The following ATRNL1 variants were observed in gnomAD, a reference collection of about 807,000 sequenced individuals.
ATRNL1 encodes attractin like 1.
In ATRNL1, 95 loss-of-function variants were observed where a neutral mutation model predicts 182.7. The ratio of observed to expected loss-of-function variants is 0.52; its 90% confidence interval spans 0.44 to 0.62. The LOEUF (loss-of-function observed/expected upper bound fraction) is 0.62. Among genes scored for constraint, ATRNL1 ranks in the 20% least tolerant of loss-of-function variants. The probability of loss-of-function intolerance (pLI) is 0.00; values close to 1 mark genes in which losing one functional copy is unlikely to be tolerated. For synonymous variants in ATRNL1, 576 were observed against 568.3 expected (o/e 1.01, Z -0.19); for missense variants, 1,471 against 1,679.5 (o/e 0.88, Z 2.17).
At chr10:115,901,944 A>G (rs1356234642) in intron 28 of ATRNL1, among the ~76,000 whole-genome samples, 6 of 152,162 alleles carry the variant, frequency 3.9e-5, no homozygotes, top group Non-Finnish European at 8.8e-5. Flanking sequence ...CCTAGGAAAG[A>G]TCTCAATGCT....
At chr10:115,654,160 T>A (rs1311578079) in intron 26 of ATRNL1, among the ~76,000 whole-genome samples, 1 of 152,164 alleles carries the variant, frequency 6.6e-6, no homozygotes, top group Non-Finnish European at 1.5e-5. Flanking sequence ...TTTCCAGTTA[T>A]TTGTTTGAGA....
intron 26 of ATRNL1, among the ~76,000 whole-genome samples, chr10:115,563,486 T>A (rs1853885977): frequency 2.0e-5 from 3 of 152,204 alleles, no homozygotes; most frequent in Admixed American, 2.0e-4. Context: ...TAACAGGCAT[T>A]TATATACAGA....
chr10:115,921,091 A>AT (rs1565489051), intron 28 of ATRNL1, among the ~76,000 whole-genome samples: 1 of 152,176 alleles, frequency 6.6e-6, no homozygotes, highest in Admixed American at 6.5e-5. Flanking sequence ...TTTAGAAGAC[A>AT]TTTTTGGAGT....
chr10:115,334,606 AT>A (rs1855394208), intron 19 of ATRNL1, among the ~76,000 whole-genome samples, 187 bp downstream of exon 19: 1 of 152,216 alleles, frequency 6.6e-6, no homozygotes, highest in Non-Finnish European at 1.5e-5. Flanking sequence ...TGATTCAAAA[AT>A]ATTCCTTTTT....
At chr10:115,876,109 A>G (rs542859371) in intron 28 of ATRNL1, among the ~76,000 whole-genome samples, 5 of 152,336 alleles carry the variant, frequency 3.3e-5, no homozygotes, top group Non-Finnish European at 7.3e-5. Flanking sequence ...CAGATTACCC[A>G]GCTCAGAATC....
intron 19 of ATRNL1, among the ~76,000 whole-genome samples, chr10:115,381,326 G>T (rs1019491296): frequency 4.6e-5 from 7 of 151,734 alleles, no homozygotes; most frequent in African/African-American, 1.7e-4. Flanking sequence ...GAGTGCAGTG[G>T]CACAATCTCG....
chr10:115,641,674 T>C (rs1159709592), intron 26 of ATRNL1, among the ~76,000 whole-genome samples: 1 of 152,154 alleles, frequency 6.6e-6, no homozygotes, highest in Non-Finnish European at 1.5e-5. Flanking sequence ...AAACATTAGC[T>C]AGCAACATGC....
chr10:115,146,767 TC>T (rs1208492939), intron 5 of ATRNL1, among the ~76,000 whole-genome samples: 1 of 151,518 alleles, frequency 6.6e-6, no homozygotes, highest in African/African-American at 2.4e-5. Flanking sequence ...GACCTCCAGT[TC>T]CATCCATGTT....
chr10:115,673,155 G>T (rs1593046095), intron 26 of ATRNL1, among the ~76,000 whole-genome samples: 1 of 152,092 alleles, frequency 6.6e-6, no homozygotes, highest in South Asian at 2.1e-4. Flanking sequence ...TGCCCAGCAG[G>T]TGTTTGAGAT....
rs1554953900 is a variant in ATRNL1 at position 115,389,603 on chromosome 10, ATGGACACC to A, written c.3176-5054_3176-5047del. Among the ~76,000 whole-genome samples, 74 of 108,514 alleles carry A rather than the reference ATGGACACC, an allele frequency of 6.8e-4. 5 individuals are homozygous for A. The highest frequency in any genetic ancestry group is 2.4e-3 in the African/African-American group (71 of 29,734). The allele number at this position is 108,514 out of a possible 152,430, so 71.2% of individuals were successfully genotyped here. On this transcript the variant is annotated intron_variant, in intron 19 of 28. Transcript: ENST00000355044. ...ATATATATATATATTTCATCCAATG[ATGGACACC>A]TAGGTTGCATCTATATTGTAGCTAT...
At chr10:115,898,808 A>G (rs1952273648) in intron 28 of ATRNL1, among the ~76,000 whole-genome samples, 1 of 152,204 alleles carries the variant, frequency 6.6e-6, no homozygotes, top group African/African-American at 2.4e-5. Flanking sequence ...AGCAAAGCTG[A>G]CTAATTTTTA....
chr10:115,540,113 G>A (rs1387960340), intron 25 of ATRNL1, among the ~76,000 whole-genome samples: 2 of 122,646 alleles, frequency 1.6e-5, no homozygotes, highest in Non-Finnish European at 3.8e-5. Context: ...ATTTACCCTA[G>A]AACTTAAAGT....
intron 26 of ATRNL1, among the ~76,000 whole-genome samples, chr10:115,685,518 A>G (rs1946187859): frequency 6.6e-6 from 1 of 151,876 alleles, no homozygotes; most frequent in African/African-American, 2.4e-5. Flanking sequence ...TAGTCTGTGA[A>G]ATCCAAAATG....
At position 115,198,584 on chromosome 10, in the gene ATRNL1, A is replaced by G. The variant is rs139270527; in HGVS notation, c.1349-17113A>G. ...ATCATATCCAATAAATCTTTACCCA[A>G]TGAATGTCATTAACTTCTCGACTAT... On this transcript the variant is annotated intron_variant, in intron 8 of 28. Coordinates refer to ENST00000355044, the MANE Select transcript of ATRNL1 (RefSeq NM_207303.4). Among the ~76,000 whole-genome samples, 14 of 152,216 alleles carry G rather than the reference A, an allele frequency of 9.2e-5. No homozygotes were observed. In the East Asian group the frequency reaches 2.1e-3, roughly 23 times the overall value.
intron 27 of ATRNL1, among the ~76,000 whole-genome samples, chr10:115,809,711 TC>T (rs1374244543): frequency 6.6e-6 from 1 of 151,992 alleles, no homozygotes; most frequent in Admixed American, 6.6e-5. Flanking sequence ...CCTTAGGGTT[TC>T]CTATGAAACA....
intron 19 of ATRNL1, among the ~76,000 whole-genome samples, chr10:115,369,769 T>G (rs1857290668): frequency 6.6e-6 from 1 of 152,246 alleles, no homozygotes; most frequent in Non-Finnish European, 1.5e-5. Context: ...ACAGCCATTC[T>G]AACAGATGTG....
At chr10:115,227,134 AC>A in intron 9 of ATRNL1, among the ~76,000 whole-genome samples, 1 of 152,260 alleles carries the variant, frequency 6.6e-6, no homozygotes, top group South Asian at 2.1e-4. Flanking sequence ...GAGCAAACAG[AC>A]AGCCTACAAA....
chr10:115,769,638 A>G (rs1384124827), intron 27 of ATRNL1, among the ~76,000 whole-genome samples: 2 of 152,112 alleles, frequency 1.3e-5, no homozygotes, highest in East Asian at 3.9e-4. Context: ...CTTTGGAGTT[A>G]TTCATGCCTG....
At chr10:115,909,238 C>G (rs1952595316) in intron 28 of ATRNL1, 1 of 152,036 alleles carries the variant, frequency 6.6e-6, no homozygotes, top group Admixed American at 6.6e-5. Flanking sequence ...AGACTCAGAC[C>G]TGCCACTTAG....
Sources: gnomAD v4.1 joint callset for allele counts (sites outside exome capture counted in the v4.1 genomes callset) on GRCh38, gnomAD v4.1.1 for gene constraint, MANE v1.5 for transcripts, NCBI Gene and HGNC (gene_info 2026-07-23, HGNC 2026-07-21) for gene names.